Variants in WRAP53 observed in about 807,000 individuals in gnomAD.
WRAP53 encodes the protein WD repeat containing antisense to TP53, also known as telomerase Cajal body protein 1.
WRAP53 carries 28 observed loss-of-function variants against 56.6 expected under a neutral mutation model. That is an observed-to-expected ratio of 0.50 (90% CI 0.37 to 0.68). The LOEUF (loss-of-function observed/expected upper bound fraction) is 0.68, where lower values mean the gene tolerates loss of function less well. WRAP53 is among the 30% of genes least tolerant of loss of function. WRAP53 has a pLI of 0.00. For missense variants in WRAP53, 671 were observed against 715.5 expected (o/e 0.94, Z 0.71); for synonymous variants, 283 against 283.4 (o/e 1.00, Z 0.01).
intron 4 of WRAP53, among the ~76,000 whole-genome samples, chr17:7,699,438 A>T (rs1262916665): frequency 4.7e-5 from 4 of 85,186 alleles, no homozygotes; most frequent in Non-Finnish European, 6.2e-5. Flanking sequence ...AAAAAAAAAA[A>T]TTTATATATA....
Position 7,689,268 on chromosome 17 carries a change from G to T in WRAP53, c.476G>T (p.Gly159Val). Residue 159 changes from glycine (G) to valine (V), a missense_variant, in exon 3 of 11, where the codon GGT (glycine) becomes GTT (valine). Coordinates refer to ENST00000396463, the MANE Select transcript of WRAP53 (RefSeq NM_001143992.2). ...TCCCAGCTGCCTCGATTTCTCAGTG[G>T]TTCCTGGTCAGAGTTCAGCACCCAA... Reference protein sequence around the residue: ...SFSQLPRFLSGSWSEFSTQPE... With the variant: ...SFSQLPRFLSVSWSEFSTQPE... The T allele has an allele frequency of 6.2e-7, 1 of 1,614,036 alleles. No individual in the cohort carries two copies. Among genetic ancestry groups the T allele is most frequent in the Non-Finnish European group, 8.5e-7 (1 of 1,180,016 alleles).
At chr17:7,688,007 A>C (rs1030599048), upstream of WRAP53, 1 of 170,788 alleles carries the variant, frequency 5.9e-6, no homozygotes, top group Non-Finnish European at 1.2e-5. Flanking sequence ...TGGAAACGTA[A>C]GCCTTATGAG....
intron 4 of WRAP53, among the ~76,000 whole-genome samples, chr17:7,698,409 A>G (rs894090057): frequency 3.9e-5 from 6 of 152,190 alleles, no homozygotes; most frequent in African/African-American, 1.4e-4. Flanking sequence ...TTGCTATCAC[A>G]GAGGGATGTA....
At chr17:7,699,442 AT>A (rs2074229245) in intron 4 of WRAP53, among the ~76,000 whole-genome samples, 1 of 65,380 alleles carries the variant, frequency 1.5e-5, no homozygotes, top group Non-Finnish European at 2.7e-5. Flanking sequence ...AAAAAAATTT[AT>A]ATATATATAT....
intron 4 of WRAP53, among the ~76,000 whole-genome samples, chr17:7,699,458 T>TTATATATATATATATATTTATATA (rs1369405287): frequency 5.0e-5 from 2 of 39,878 alleles, no homozygotes; most frequent in Non-Finnish European, 4.0e-5. Flanking sequence ...ATATATATAT[T>TTATATATATATATATATTTATATA]TATATATATA....
chr17:7,694,246 T>C (rs1239980212), intron 4 of WRAP53, among the ~76,000 whole-genome samples: 158 of 107,256 alleles, frequency 1.5e-3, no homozygotes, highest in African/African-American at 3.5e-3. Flanking sequence ...TTCTTTCTTT[T>C]TTTTTTTTTT....
At chr17:7,700,010 G>C (rs984332657) in intron 4 of WRAP53, among the ~76,000 whole-genome samples, 1 of 151,844 alleles carries the variant, frequency 6.6e-6, no homozygotes, top group Non-Finnish European at 1.5e-5. Context: ...TGGGATTACA[G>C]GTGTGAGCCA....
At chr17:7,699,703 T>G (rs1407201704) in intron 4 of WRAP53, among the ~76,000 whole-genome samples, 1 of 149,870 alleles carries the variant, frequency 6.7e-6, no homozygotes, top group East Asian at 1.9e-4. Flanking sequence ...ACTGTTTAAT[T>G]TTTTTTCTTT....
chr17:7,703,480 G>T lies in WRAP53; in HGVS notation c.1641G>T (p.Leu547=), dbSNP rs146994329. ...GAACGGAGGGAGGTGTGGGTGAGCT[G>T]ATATAAAAAGGTTTTTATGATACTA... ...QGGTEGGVGE[L]I Residue 547 remains leucine (L), a synonymous_variant, in exon 11 of 11, where the codon CTG becomes CTT. Transcript: ENST00000396463. The T allele has an allele frequency of 9.3e-4, 1,502 of 1,608,066 alleles. 9 individuals carry two copies. The African/African-American group carries it at 0.017, about 18-fold the overall frequency.
chr17:7,694,225 GTTTTCTTT>G (rs1247346343), intron 4 of WRAP53, among the ~76,000 whole-genome samples: 5 of 144,126 alleles, frequency 3.5e-5, no homozygotes, highest in Non-Finnish European at 7.6e-5. Context: ...TAGTCAATTT[GTTTTCTTT>G]TTTTCTTTCT....
intron 4 of WRAP53, among the ~76,000 whole-genome samples, chr17:7,699,531 T>C (rs867688064): frequency 1.4e-5 from 1 of 71,134 alleles, no homozygotes. Flanking sequence ...TTTATATATA[T>C]ATATATATTC....
At chr17:7,691,012 C>T (rs1409439170) in intron 4 of WRAP53, among the ~76,000 whole-genome samples, 1 of 152,024 alleles carries the variant, frequency 6.6e-6, no homozygotes, top group Non-Finnish European at 1.5e-5. Flanking sequence ...GAGTTTGAGA[C>T]CAGCCTGGCC....
At position 7,699,120 on chromosome 17, in the gene WRAP53, C is replaced by T. The variant is rs190992997; in HGVS notation, c.643-1621C>T. ...CAACGTTAGATACTGTTTTTTTTCC[C>T]ATATGAATATACTCCTAGGCTGGGC... On this transcript the variant is annotated intron_variant, in intron 4 of 10. Transcript: ENST00000396463. Among the ~76,000 whole-genome samples the T allele has an allele frequency of 3.3e-3, 499 of 150,710 alleles. 3 individuals carry two copies. Among genetic ancestry groups the T allele is most frequent in the African/African-American group, 0.011 (459 of 41,116 alleles).
chr17:7,702,677 A>G lies in WRAP53; in HGVS notation c.1165-66A>G. The G allele has an allele frequency of 6.3e-7, 1 of 1,598,926 alleles. No homozygotes were observed. Among genetic ancestry groups the G allele is most frequent in the East Asian group, 2.2e-5 (1 of 44,796 alleles). ...TCCCAAGCTGAAGGAGTGCCTGGAG[A>G]CCCCGAGGGAGGCAGGGACATCCAG... is the stretch of plus-strand genomic sequence containing the variant. On this transcript the variant is annotated intron_variant, in intron 8 of 10. Coordinates refer to ENST00000396463, the MANE Select transcript of WRAP53 (RefSeq NM_001143992.2). This position sits in a 1 kb window ranked among gnomAD's most constrained non-coding sequence, Gnocchi z 5.0.
At chr17:7,694,274 C>T (rs1465461351) in intron 4 of WRAP53, among the ~76,000 whole-genome samples, 4 of 129,134 alleles carry the variant, frequency 3.1e-5, no homozygotes, top group Non-Finnish European at 3.1e-5. Context: ...GACAGAGTCT[C>T]GCTCTGTGGC....
upstream of WRAP53, chr17:7,686,333 A>G (rs778235420): frequency 1.5e-4 from 23 of 151,852 alleles, no homozygotes; most frequent in African/African-American, 4.4e-4. Context: ...AAGATGAGAT[A>G]TACTCATTCT....
At chr17:7,694,988 T>G (rs2033218537) in intron 4 of WRAP53, among the ~76,000 whole-genome samples, 1 of 151,912 alleles carries the variant, frequency 6.6e-6, no homozygotes, top group Non-Finnish European at 1.5e-5. Context: ...AGTCTTGCTG[T>G]GTCCCCCAGG....
At position 7,701,697 on chromosome 17, in the gene WRAP53, A is replaced by G; in HGVS notation, c.863A>G (p.Asp288Gly). ...GCCCATTCGCTCTGCTTCTCCCCGG[A>G]TGGCTCCCAGCTCTTCTGTGGCTTC... ...TAAHSLCFSPDGSQLFCGFNR... is the reference protein window; with the variant it reads ...TAAHSLCFSPGGSQLFCGFNR... Residue 288 changes from aspartate (D) to glycine (G), a missense_variant, in exon 7 of 11, where the codon GAT becomes GGT. Asp to Gly is a moderately conservative substitution (Grantham distance 94, BLOSUM62 -1). This residue lies in a region of WRAP53 where 406 missense variants were observed against 418.5 expected (regional missense o/e 0.97). Coordinates refer to ENST00000396463, the MANE Select transcript of WRAP53 (RefSeq NM_001143992.2). This position sits in a 1 kb window ranked among gnomAD's most constrained non-coding sequence, Gnocchi z 4.2. 1 of 1,614,130 alleles carries G rather than the reference A, an allele frequency of 6.2e-7. No homozygotes were observed. The highest frequency in any genetic ancestry group is 1.1e-5 in the South Asian group (1 of 91,074).
At position 7,702,899 on chromosome 17, in the gene WRAP53, C is replaced by G; in HGVS notation, c.1268+53C>G. On this transcript the variant is annotated intron_variant, in intron 9 of 10. Coordinates refer to ENST00000396463, the MANE Select transcript of WRAP53 (RefSeq NM_001143992.2). The surrounding 1 kb of genome is among the most constrained non-coding windows in gnomAD (Gnocchi z 5.0). ...AGGGCCCTGATAAGCCTAGGAATGC[C>G]AGAGCCCAGCTGTAGGGTCCCAGTC... is the stretch of plus-strand genomic sequence containing the variant. 6.2e-7 allele frequency: 1 copy of G among 1,612,974 alleles called. No homozygotes were observed. The highest frequency in any genetic ancestry group is 8.5e-7 in the Non-Finnish European group (1 of 1,179,832).
Sources: allele counts gnomAD v4.1 joint callset (sites outside exome capture counted in the v4.1 genomes callset), GRCh38; gene constraint gnomAD v4.1.1; regional missense constraint gnomAD v4.1.1; non-coding constraint Gnocchi (gnomAD v3.1); transcripts MANE v1.5; gene names NCBI Gene and HGNC (gene_info 2026-07-23, HGNC 2026-07-21).